Variants in ACVR1C observed in about 807,000 individuals in gnomAD.
ACVR1C encodes the protein activin A receptor type 1C, also known as activin receptor type-1C.
ACVR1C carries 23 observed loss-of-function variants against 57.9 expected under a neutral mutation model. The ratio of observed to expected loss-of-function variants is 0.40; its 90% CI spans 0.29 to 0.56. The LOEUF (loss-of-function observed/expected upper bound fraction) is 0.56, where lower values mean the gene tolerates loss of function less well. Ranked by LOEUF, ACVR1C falls within the 20% of genes least tolerant of loss-of-function variation. The probability of loss-of-function intolerance (pLI) is 0.50; values close to 1 mark genes in which losing one functional copy is unlikely to be tolerated. For synonymous variants in ACVR1C, 214 were observed against 215.3 expected (o/e 0.99, Z 0.05); for missense variants, 480 against 607.9 (o/e 0.79, Z 2.21).
chr2:157,558,397 CA>C (rs1373237740), intron 2 of ACVR1C, among the ~76,000 whole-genome samples: 2 of 152,158 alleles, frequency 1.3e-5, no homozygotes, highest in African/African-American at 4.8e-5. Flanking sequence ...ACTTTACCTA[CA>C]ATGTGTCAAA....
chr2:157,594,671 T>TCCA (rs750988140), intron 1 of ACVR1C, among the ~76,000 whole-genome samples: 170 of 152,254 alleles, frequency 1.1e-3, no homozygotes, highest in Non-Finnish European at 2.1e-3. Flanking sequence ...CTGAGTTATG[T>TCCA]GAGACATCCA....
intron 1 of ACVR1C, among the ~76,000 whole-genome samples, chr2:157,623,093 G>A (rs544841189): frequency 5.3e-5 from 8 of 152,150 alleles, no homozygotes; most frequent in Admixed American, 1.3e-4. Context: ...CTTACATTCC[G>A]AAGACAGGCA....
intron 1 of ACVR1C, among the ~76,000 whole-genome samples, chr2:157,614,313 T>G (rs1310776388): frequency 6.6e-6 from 1 of 152,210 alleles, no homozygotes; most frequent in African/African-American, 2.4e-5. Flanking sequence ...CATTGCTTAA[T>G]AAGTTCCTGT....
At chr2:157,614,384 T>C (rs1941922) in intron 1 of ACVR1C, among the ~76,000 whole-genome samples, 9,875 of 152,224 alleles carry the variant, frequency 0.065, 493 homozygotes, top group East Asian at 0.24. Context: ...CTTTAATTTT[T>C]TAAAAATGTA....
chr2:157,606,251 T>C (rs1356868475), intron 1 of ACVR1C, among the ~76,000 whole-genome samples: 1 of 151,830 alleles, frequency 6.6e-6, no homozygotes, highest in Non-Finnish European at 1.5e-5. Context: ...TGAGTAGTGC[T>C]GTGATAAACA....
At chr2:157,618,446 G>A (rs1040119223) in intron 1 of ACVR1C, among the ~76,000 whole-genome samples, 2 of 151,512 alleles carry the variant, frequency 1.3e-5, no homozygotes, top group Admixed American at 6.6e-5. Flanking sequence ...CAACCGTATT[G>A]GTAAATATAT....
chr2:157,587,366 G>T lies in ACVR1C; in HGVS notation c.125C>A (p.Thr42Lys). The T allele has an allele frequency of 6.2e-7, 1 of 1,613,570 alleles. No homozygotes were observed. The highest frequency in any genetic ancestry group is 8.5e-7 in the Non-Finnish European group (1 of 1,179,602). ...GACTGATGCCCAACATGCTCCTTCT[G>T]TTTGGCAGGTGAAGTTTGAAGAATC... Reference protein sequence around the residue: ...LCDSSNFTCQTEGACWASVML... With the variant: ...LCDSSNFTCQKEGACWASVML... Residue 42 changes from threonine (T) to lysine (K), a missense_variant, in exon 2 of 9, where the codon ACA (threonine) becomes AAA (lysine). Thr to Lys is a moderately conservative substitution (Grantham distance 78). Transcript: ENST00000243349.
intron 1 of ACVR1C, among the ~76,000 whole-genome samples, chr2:157,599,410 C>G (rs945449546): frequency 4.1e-5 from 6 of 147,494 alleles, no homozygotes; most frequent in Non-Finnish European, 7.4e-5. Context: ...AATGGCAGAC[C>G]AGGTGTCTAG....
chr2:157,614,948 G>A (rs1482262053), intron 1 of ACVR1C, among the ~76,000 whole-genome samples: 1 of 151,992 alleles, frequency 6.6e-6, no homozygotes, highest in Non-Finnish European at 1.5e-5. Context: ...TTTTTACCCA[G>A]TCTGACAATC....
rs554539523 is a variant in ACVR1C, at chr2:157,574,990, C to A, written c.304+12197G>T. ...ATTTAATTTTTTTAAGAGACAGGGT[C>A]TTGCTCTATCACCCAGGCTAGAGTA... On this transcript the variant is annotated intron_variant, in intron 2 of 8. Transcript: ENST00000243349. Among the ~76,000 whole-genome samples the A allele has an allele frequency of 2.2e-4, 34 of 152,294 alleles. No homozygotes were observed. The South Asian group carries it at 6.6e-3, about 30-fold the overall frequency.
At chr2:157,555,284 A>T (rs1688073132) in intron 3 of ACVR1C, among the ~76,000 whole-genome samples, 1 of 149,426 alleles carries the variant, frequency 6.7e-6, no homozygotes, top group Non-Finnish European at 1.5e-5. Flanking sequence ...GCGCCCGGCT[A>T]ATTTTTTGTA....
intron 1 of ACVR1C, among the ~76,000 whole-genome samples, chr2:157,601,563 C>G (rs1682282515): frequency 6.6e-6 from 1 of 152,188 alleles, no homozygotes; most frequent in Non-Finnish European, 1.5e-5. Context: ...GGTAGGTCAT[C>G]TGAGTCTTGC....
At chr2:157,583,502 T>G (rs1688837690) in intron 2 of ACVR1C, among the ~76,000 whole-genome samples, 1 of 152,218 alleles carries the variant, frequency 6.6e-6, no homozygotes, top group Non-Finnish European at 1.5e-5. Flanking sequence ...AGCGTGTGTT[T>G]TTGTAGAAAT....
intron 1 of ACVR1C, among the ~76,000 whole-genome samples, chr2:157,622,238 G>A (rs994992719): frequency 2.0e-5 from 3 of 151,802 alleles, no homozygotes; most frequent in East Asian, 1.9e-4. Flanking sequence ...AACTAATGAC[G>A]TTCTTCACAG....
At position 157,529,292 on chromosome 2, in the gene ACVR1C, G is replaced by C. The variant is rs1327607615; in HGVS notation, c.*4626C>G. ...ATCCATTAATTTTATCAGCACCCCA[G>C]TGGTTGCCTACTTAGCTCAACAACC... On this transcript the variant is annotated 3_prime_UTR_variant, in exon 9 of 9. Transcript: ENST00000243349. 6.6e-6 allele frequency: 1 copy of C among 152,058 alleles called. No homozygotes were observed. The highest frequency in any genetic ancestry group is 2.4e-5 in the African/African-American group (1 of 41,416). The allele number at this position is 152,058 out of a possible 1,614,324, so 9.4% of individuals were successfully genotyped here.
chr2:157,557,788 C>T (rs1688139857), intron 2 of ACVR1C, among the ~76,000 whole-genome samples: 1 of 152,046 alleles, frequency 6.6e-6, no homozygotes, highest in South Asian at 2.1e-4. Context: ...ATTTTAAAAA[C>T]ACATGAAGCC....
At chr2:157,555,386 T>TG (rs1410820175) in intron 3 of ACVR1C, among the ~76,000 whole-genome samples, 4 of 152,134 alleles carry the variant, frequency 2.6e-5, no homozygotes, top group Non-Finnish European at 5.9e-5. Flanking sequence ...CCCAAAGTGC[T>TG]GGGATTACAG....
At chr2:157,623,199 A>C (rs1484605087) in intron 1 of ACVR1C, among the ~76,000 whole-genome samples, 2 of 152,210 alleles carry the variant, frequency 1.3e-5, no homozygotes, top group African/African-American at 4.8e-5. Flanking sequence ...AACCCTTTGG[A>C]GGTTCCTCAA....
chr2:157,623,126 T>TG (rs1401225896), intron 1 of ACVR1C, among the ~76,000 whole-genome samples: 2 of 152,116 alleles, frequency 1.3e-5, no homozygotes, highest in Non-Finnish European at 2.9e-5. Flanking sequence ...GGCAAGGATG[T>TG]GGAAAAAAGC....
Sources: gnomAD v4.1 joint callset for allele counts (sites outside exome capture counted in the v4.1 genomes callset) on GRCh38, gnomAD v4.1.1 for gene constraint, MANE v1.5 for transcripts, NCBI Gene and HGNC (gene_info 2026-07-23, HGNC 2026-07-21) for gene names.